Variants in FUT9 observed in about 807,000 individuals in gnomAD.
FUT9 encodes the protein fucosyltransferase 9, also known as 4-galactosyl-N-acetylglucosaminide 3-alpha-L-fucosyltransferase 9.
FUT9 carries 15 observed loss-of-function variants against 29.7 expected under a neutral mutation model. The observed-to-expected ratio is 0.51, with a 90% CI of 0.34 to 0.78. The LOEUF is 0.78. FUT9 is among the 30% of genes least tolerant of loss of function. The pLI, the probability that FUT9 is intolerant of heterozygous loss-of-function variation, is 0.01. For missense variants in FUT9, 319 were observed against 425.4 expected, an observed-to-expected ratio of 0.75 and a Z score of 2.20; for synonymous variants, 169 against 153.7, an observed-to-expected ratio of 1.10 and a Z score of -0.74.
At chr6:96,123,060 C>CAAA (rs56330234) in intron 2 of FUT9, among the ~76,000 whole-genome samples, 1 of 64,998 alleles carries the variant, frequency 1.5e-5, no homozygotes, top group African/African-American at 6.9e-5. Flanking sequence ...GACTCAGTCT[C>CAAA]AAAAAAAAAA....
intron 1 of FUT9, among the ~76,000 whole-genome samples, chr6:96,039,364 G>A (rs1044272659): frequency 3.9e-5 from 6 of 152,040 alleles, no homozygotes; most frequent in Non-Finnish European, 5.9e-5. Context: ...CAACAATCAC[G>A]TTCGTGCTTA....
At chr6:96,185,185 A>G (rs539113522) in intron 2 of FUT9, among the ~76,000 whole-genome samples, 1 of 152,198 alleles carries the variant, frequency 6.6e-6, no homozygotes, top group African/African-American at 2.4e-5. Flanking sequence ...AAAGGCGGGA[A>G]TAACACTCAA....
chr6:96,029,898 T>C (rs1347886924), intron 1 of FUT9, among the ~76,000 whole-genome samples: 1 of 151,566 alleles, frequency 6.6e-6, no homozygotes, highest in Non-Finnish European at 1.5e-5. Context: ...AAGGAAATAT[T>C]ATCACAGATC....
chr6:96,142,337 G>T (rs1314143111), intron 2 of FUT9, among the ~76,000 whole-genome samples: 3 of 152,136 alleles, frequency 2.0e-5, no homozygotes, highest in Non-Finnish European at 2.9e-5. Flanking sequence ...AAAAAAAAAT[G>T]AAGCACAATC....
intron 2 of FUT9, among the ~76,000 whole-genome samples, chr6:96,160,761 A>G (rs1444230468): frequency 1.3e-5 from 2 of 152,198 alleles, no homozygotes; most frequent in African/African-American, 4.8e-5. Flanking sequence ...AGATCTATGT[A>G]TGAATTAATT....
chr6:96,038,583 A>G (rs1244250925), intron 1 of FUT9, among the ~76,000 whole-genome samples: 1 of 152,174 alleles, frequency 6.6e-6, no homozygotes, highest in Non-Finnish European at 1.5e-5. Flanking sequence ...CTCTTCCAGA[A>G]TGGTAGCTGG....
chr6:96,158,452 C>A lies in FUT9; in HGVS notation c.-9+44325C>A, dbSNP rs182508801. ...ATTAAGACAAGTTATTCTTCAGGAG[C>A]ATTTTAGAAATGTGAAATATTAATC... On this transcript the variant is annotated intron_variant, in intron 2 of 2. Coordinates refer to ENST00000302103, the MANE Select transcript of FUT9 (RefSeq NM_006581.4). Among the ~76,000 whole-genome samples the A allele has an allele frequency of 1.4e-4, 22 of 152,134 alleles. 1 individual carries two copies. Among genetic ancestry groups the A allele is most frequent in the African/African-American group, 4.8e-4 (20 of 41,534 alleles).
intron 2 of FUT9, among the ~76,000 whole-genome samples, chr6:96,166,278 A>T (rs1296281016): frequency 6.6e-6 from 1 of 152,198 alleles, no homozygotes; most frequent in Admixed American, 6.5e-5. Context: ...ATGATAATGT[A>T]ATGTTAGACC....
At chr6:96,100,956 G>C (rs1222741398) in intron 1 of FUT9, among the ~76,000 whole-genome samples, 1 of 152,114 alleles carries the variant, frequency 6.6e-6, no homozygotes, top group African/African-American at 2.4e-5. Flanking sequence ...GGAAGTTTAG[G>C]AGGCATCAGG....
rs1773994464 is a variant in FUT9, at chr6:96,214,246, T to C, written c.*10011T>C. 1.2e-5 allele frequency: 2 copies of C among 166,830 alleles called. No individual in the cohort carries two copies. Among genetic ancestry groups the C allele is most frequent in the South Asian group, 2.1e-4 (1 of 4,830 alleles). The allele number at this position is 166,830 out of a possible 1,614,324, so 10.3% of individuals were successfully genotyped here. ...GATGTGAAAATATCATCTTAACCAG[T>C]TTCATTCTATGAACATAATATTCTG... On this transcript the variant is annotated 3_prime_UTR_variant, in exon 3 of 3. Transcript: ENST00000302103.
At chr6:96,144,965 TTC>T (rs775947325) in intron 2 of FUT9, among the ~76,000 whole-genome samples, 8 of 152,216 alleles carry the variant, frequency 5.3e-5, no homozygotes, top group Non-Finnish European at 8.8e-5. Context: ...ACTGTATTCA[TTC>T]TCTGTTTATA....
intron 1 of FUT9, among the ~76,000 whole-genome samples, chr6:96,025,383 G>A (rs1245138987): frequency 1.3e-5 from 2 of 151,736 alleles, no homozygotes; most frequent in Non-Finnish European, 3.0e-5. Context: ...AAAAGGCAAA[G>A]AAGTGAAGGA....
At chr6:96,093,291 G>T (rs551405109) in intron 1 of FUT9, among the ~76,000 whole-genome samples, 1 of 152,238 alleles carries the variant, frequency 6.6e-6, no homozygotes, top group African/African-American at 2.4e-5. Context: ...TGGCAAAGTC[G>T]TTTCTTTCAT....
chr6:96,022,167 T>C (rs542176863), intron 1 of FUT9, among the ~76,000 whole-genome samples: 4 of 152,142 alleles, frequency 2.6e-5, no homozygotes, highest in African/African-American at 7.2e-5. Flanking sequence ...GTGATAACGA[T>C]GTTTCACTGC....
At position 96,205,327 on chromosome 6, in the gene FUT9, GCA is replaced by G. The variant is rs1415168660; in HGVS notation, c.*1097_*1098del. On this transcript the variant is annotated 3_prime_UTR_variant, in exon 3 of 3. Coordinates refer to ENST00000302103, the MANE Select transcript of FUT9 (RefSeq NM_006581.4). ...GATATATAGAAAACACACAGTGTTA[GCA>G]CACAGTAAGATCTCAATGCACATTT... is the stretch of plus-strand genomic sequence containing the variant. 1.2e-5 allele frequency: 2 copies of G among 166,938 alleles called. No homozygotes were observed. Among genetic ancestry groups the G allele is most frequent in the Non-Finnish European group, 2.9e-5 (2 of 68,086 alleles). The allele number at this position is 166,938 out of a possible 1,614,324, so 10.3% of individuals were successfully genotyped here.
Position 96,214,197 on chromosome 6 carries a change from C to A in FUT9, c.*9962C>A, listed in dbSNP as rs1773993359. On this transcript the variant is annotated 3_prime_UTR_variant, in exon 3 of 3. Coordinates refer to ENST00000302103, the MANE Select transcript of FUT9 (RefSeq NM_006581.4). ...GCAAGTGATACAATTTACTGTATAACAACTTAATAGTACAAAGCATGAAGA... is the reference window on the plus strand; with the variant it reads ...GCAAGTGATACAATTTACTGTATAAAAACTTAATAGTACAAAGCATGAAGA... The A allele has an allele frequency of 6.0e-6, 1 of 166,812 alleles. No individual in the cohort carries two copies. The highest frequency in any genetic ancestry group is 1.5e-5 in the Non-Finnish European group (1 of 68,036). The allele number at this position is 166,812 out of a possible 1,614,324, so 10.3% of individuals were successfully genotyped here. A position where few individuals can be genotyped will look rare whatever the true frequency, so the allele number is the denominator to read the frequency against.
At chr6:96,178,474 T>C (rs1158379408) in intron 2 of FUT9, among the ~76,000 whole-genome samples, 2 of 152,164 alleles carry the variant, frequency 1.3e-5, no homozygotes, top group Non-Finnish European at 2.9e-5. Context: ...AACTATATAA[T>C]AAGGCTATAA....
intron 1 of FUT9, among the ~76,000 whole-genome samples, chr6:96,108,654 C>A (rs992837065): frequency 6.6e-6 from 1 of 152,134 alleles, no homozygotes; most frequent in African/African-American, 2.4e-5. Context: ...TCCACAGAGG[C>A]CAATATGATA....
At chr6:96,047,616 A>C (rs996603245) in intron 1 of FUT9, among the ~76,000 whole-genome samples, 1 of 152,174 alleles carries the variant, frequency 6.6e-6, no homozygotes, top group Non-Finnish European at 1.5e-5. Context: ...TGCATTTCTC[A>C]ATTACAGATG....
Sources: gnomAD v4.1 joint callset for allele counts (sites outside exome capture counted in the v4.1 genomes callset) on GRCh38, gnomAD v4.1.1 for gene constraint, MANE v1.5 for transcripts, NCBI Gene and HGNC (gene_info 2026-07-23, HGNC 2026-07-21) for gene names.